ZBBX: variants seen among roughly 807,000 people sequenced by gnomAD.
ZBBX encodes zinc finger B-box domain-containing protein 1.
ZBBX carries 101 observed loss-of-function variants against 108.5 expected under a neutral mutation model. That is an observed-to-expected ratio of 0.93 (90% CI 0.79 to 1.10). The LOEUF (loss-of-function observed/expected upper bound fraction) is 1.10, where lower values mean the gene tolerates loss of function less well. ZBBX is among the 50% of genes least tolerant of loss of function. The pLI is 0.00. For missense variants in ZBBX, 1,009 were observed against 941.4 expected, an observed-to-expected ratio of 1.07 and a Z score of -0.94; for synonymous variants, 356 against 323.4, an observed-to-expected ratio of 1.10 and a Z score of -1.08.
intron 9 of ZBBX, among the ~76,000 whole-genome samples, chr3:167,349,045 G>A (rs1030157667): frequency 2.0e-5 from 3 of 151,922 alleles, no homozygotes; most frequent in South Asian, 2.1e-4. Context: ...GAGAAGACAG[G>A]GAGGGAGAGA....
At chr3:167,264,641 G>A (rs997119790) in intron 20 of ZBBX, among the ~76,000 whole-genome samples, 1 of 152,136 alleles carries the variant, frequency 6.6e-6, no homozygotes, top group Admixed American at 6.5e-5. Context: ...CTTAAGTCAG[G>A]AAAAGTTTAC....
intron 19 of ZBBX, among the ~76,000 whole-genome samples, chr3:167,283,748 C>T (rs982793898): frequency 6.6e-6 from 1 of 152,072 alleles, no homozygotes; most frequent in Admixed American, 6.5e-5. Context: ...CAGGTTCAAG[C>T]GATTCTCCTG....
chr3:167,366,426 A>G (rs1745319714), intron 5 of ZBBX, among the ~76,000 whole-genome samples: 1 of 151,854 alleles, frequency 6.6e-6, no homozygotes, highest in Admixed American at 6.6e-5. Flanking sequence ...CCACATTGAA[A>G]CATAACAGAG....
At chr3:167,277,566 G>A (rs1180131932) in intron 20 of ZBBX, among the ~76,000 whole-genome samples, 1 of 152,132 alleles carries the variant, frequency 6.6e-6, no homozygotes, top group African/African-American at 2.4e-5. Context: ...AAATATATAT[G>A]CACCCAATAC....
In ZBBX at chr3:167,276,806, G is replaced by C. The variant is rs575351930; in HGVS notation, c.2254+5432C>G. Among the ~76,000 whole-genome samples the C allele has an allele frequency of 4.6e-5, 7 of 152,170 alleles. No individual in the cohort carries two copies. The East Asian group carries it at 1.2e-3, about 25-fold the overall frequency. On this transcript the variant is annotated intron_variant, in intron 20 of 21. Coordinates refer to ENST00000675490, the MANE Select transcript of ZBBX (RefSeq NM_001199201.2). ...ACACATAATTGTCAGATTCACCAAA[G>C]TTGAAATGAAGGAAAAAATGTTAAG...
chr3:167,322,102 A>C lies in ZBBX; in HGVS notation c.983+15T>G. On this transcript the variant is annotated intron_variant, in intron 12 of 21. Transcript: ENST00000675490. ...CTTTCATATTTCCTAATAGTATTAT[A>C]ATTTCAGAAAATACCTCCTGTGTTT... 8.2e-7 allele frequency: 1 copy of C among 1,216,682 alleles called. No homozygotes were observed. 75.4% of individuals were successfully genotyped at this position (1,216,682 alleles called of 1,614,324 possible).
intron 15 of ZBBX, 86 bp from the exon 16 acceptor site, chr3:167,314,202 A>T (rs1224129856): frequency 4.4e-6 from 5 of 1,144,244 alleles, no homozygotes; most frequent in Non-Finnish European, 3.6e-6. Flanking sequence ...TCATTAAAAC[A>T]AATATAGTAA....
In ZBBX at chr3:167,359,855, A is replaced by G; in HGVS notation, c.432+15T>C. 3 of 1,247,186 alleles carry G rather than the reference A, an allele frequency of 2.4e-6. No homozygotes were observed. Among genetic ancestry groups the G allele is most frequent in the Non-Finnish European group, 3.4e-6 (3 of 883,532 alleles). 77.3% of individuals were successfully genotyped at this position (1,247,186 alleles called of 1,614,324 possible). On this transcript the variant is annotated intron_variant, in intron 8 of 21. Transcript: ENST00000675490. ...ACTATACAGTATATGTATATATACTATATAACGTACATACCAGTAGAGCAG... is the reference window on the plus strand; with the variant it reads ...ACTATACAGTATATGTATATATACTGTATAACGTACATACCAGTAGAGCAG...
At chr3:167,225,106 C>G in the ZBBX span, among the ~76,000 whole-genome samples, 1 of 151,766 alleles carries the variant, frequency 6.6e-6, no homozygotes, top group Non-Finnish European at 1.5e-5. Flanking sequence ...GCAGTAAATT[C>G]CAACAAGTTA....
In ZBBX at chr3:167,251,925, AACACACAC is replaced by A. The variant is rs3221849; in HGVS notation, c.2255-9290_2255-9283del. On this transcript the variant is annotated intron_variant, in intron 20 of 21. Transcript: ENST00000675490. ...CGATTCATCATGATGTTGTGCCTGC[AACACACAC>A]ACACACACACACACACACACACACA... Among the ~76,000 whole-genome samples the A allele has an allele frequency of 3.5e-3, 506 of 143,816 alleles. 3 individuals carry two copies. Among genetic ancestry groups the A allele is most frequent in the African/African-American group, 0.013 (475 of 37,852 alleles). 94.3% of individuals were successfully genotyped at this position (143,816 alleles called of 152,430 possible).
the ZBBX span, among the ~76,000 whole-genome samples, chr3:167,228,782 C>T: frequency 6.6e-6 from 1 of 151,734 alleles, no homozygotes; most frequent in Non-Finnish European, 1.5e-5. Context: ...AGCCCATGAC[C>T]CCATCATTCA....
intron 19 of ZBBX, among the ~76,000 whole-genome samples, chr3:167,286,323 G>GTAAGGCA (rs1463470016): frequency 2.6e-5 from 4 of 152,194 alleles, no homozygotes; most frequent in Admixed American, 6.6e-5. Context: ...GTGATACATG[G>GTAAGGCA]TAAGGCATAC....
At chr3:167,253,653 G>C (rs921130067) in intron 20 of ZBBX, among the ~76,000 whole-genome samples, 6 of 152,180 alleles carry the variant, frequency 3.9e-5, no homozygotes, top group Non-Finnish European at 8.8e-5. Context: ...AAGACTGAGA[G>C]AGCTCAGTAA....
chr3:167,188,225 C>G, the ZBBX span, among the ~76,000 whole-genome samples: 1 of 152,118 alleles, frequency 6.6e-6, no homozygotes, highest in Non-Finnish European at 1.5e-5. Flanking sequence ...TTTATACATT[C>G]ATTCATACTT....
Position 167,375,598 on chromosome 3 carries a change from GA to G in ZBBX, c.-131-1812del, listed in dbSNP as rs899830200. ...CAGAGTGAGACTCTGTCTCAAAAAA[GA>G]AAAAAAAAAGAATCCATTATACACC... On this transcript the variant is annotated intron_variant, in intron 2 of 21. Transcript: ENST00000675490. Among the ~76,000 whole-genome samples the G allele has an allele frequency of 8.9e-3, 1,279 of 144,022 alleles. 19 individuals are homozygous for G. Among genetic ancestry groups the G allele is most frequent in the African/African-American group, 0.031 (1,217 of 39,342 alleles). 94.5% of individuals were successfully genotyped at this position (144,022 alleles called of 152,430 possible). A position where few individuals can be genotyped will look rare whatever the true frequency, so the allele number is the denominator to read the frequency against.
chr3:167,315,205 G>A (rs1735235673), intron 15 of ZBBX, among the ~76,000 whole-genome samples: 1 of 152,174 alleles, frequency 6.6e-6, no homozygotes, highest in Non-Finnish European at 1.5e-5. Flanking sequence ...AACAGATACA[G>A]TTAGATATTA....
the ZBBX span, among the ~76,000 whole-genome samples, chr3:167,182,915 C>T: frequency 4.6e-5 from 7 of 152,184 alleles, no homozygotes; most frequent in African/African-American, 1.4e-4. Context: ...TGTATCCTAA[C>T]AGGGAACTGC....
chr3:167,300,652 C>T (rs1448850638), intron 17 of ZBBX, among the ~76,000 whole-genome samples: 1 of 151,018 alleles, frequency 6.6e-6, no homozygotes, highest in Non-Finnish European at 1.5e-5. Context: ...CCCTGTCACC[C>T]AGGCTGGAGT....
intron 20 of ZBBX, among the ~76,000 whole-genome samples, chr3:167,246,671 G>T (rs979476328): frequency 6.6e-6 from 1 of 152,176 alleles, no homozygotes; most frequent in Non-Finnish European, 1.5e-5. Context: ...TATTGAAGAA[G>T]TAAATGCTTT....
Sources: gnomAD v4.1 joint callset for allele counts (sites outside exome capture counted in the v4.1 genomes callset) on GRCh38, gnomAD v4.1.1 for gene constraint, MANE v1.5 for transcripts, NCBI Gene and HGNC (gene_info 2026-07-23, HGNC 2026-07-21) for gene names.